The following FHIT variants were observed in gnomAD, a reference collection of about 807,000 sequenced individuals.
FHIT encodes the protein bis(5'-adenosyl)-triphosphatase.
A neutral mutation model predicts 17.9 loss-of-function variants in FHIT; 19 were observed. That is an observed-to-expected ratio of 1.06 (90% CI 0.74 to 1.56). The LOEUF is 1.56. FHIT is among the 40% of genes most tolerant of loss of function. The pLI, the probability that FHIT is intolerant of heterozygous loss-of-function variation, is 0.00. For missense variants in FHIT, 248 were observed against 189.2 expected, an observed-to-expected ratio of 1.31 and a Z score of -1.82; for synonymous variants, 81 against 69.7, an observed-to-expected ratio of 1.16 and a Z score of -0.81.
intron 5 of FHIT, among the ~76,000 whole-genome samples, chr3:60,340,913 A>C (rs545229043): frequency 6.6e-6 from 1 of 152,272 alleles, no homozygotes; most frequent in East Asian, 1.9e-4. Flanking sequence ...GCTGGTCTCT[A>C]ACTCCTGACC....
chr3:59,910,229 A>C (rs1447111441), intron 8 of FHIT, among the ~76,000 whole-genome samples: 5 of 152,212 alleles, frequency 3.3e-5, no homozygotes, highest in Admixed American at 3.3e-4. Context: ...CTTGAAGCAA[A>C]GGCAAGAAGA....
chr3:60,841,066 G>T (rs1196073917), intron 3 of FHIT, among the ~76,000 whole-genome samples: 2 of 151,932 alleles, frequency 1.3e-5, no homozygotes, highest in Non-Finnish European at 2.9e-5. Context: ...TCTGTTTCGG[G>T]TCATTATTTT....
chr3:61,063,242 CGA>C (rs2034489796), intron 2 of FHIT, among the ~76,000 whole-genome samples: 1 of 37,144 alleles, frequency 2.7e-5, no homozygotes, highest in Admixed American at 2.1e-4. Flanking sequence ...AGCGACAGAG[CGA>C]GACTCTGTCT....
chr3:60,322,426 G>T lies in FHIT; in HGVS notation c.103+214434C>A, dbSNP rs557635652. Among the ~76,000 whole-genome samples the T allele has an allele frequency of 2.0e-5, 3 of 152,292 alleles. No homozygotes were observed. The South Asian group carries it at 6.2e-4, about 32-fold the overall frequency. ...ACAGTTTGAGTCAATAGGCACAAAT[G>T]AATTATCAACTTTTTGACCTTGGAG... On this transcript the variant is annotated intron_variant, in intron 5 of 9. Transcript: ENST00000492590.
chr3:59,869,670 T>C (rs1047491355), intron 8 of FHIT, among the ~76,000 whole-genome samples: 3 of 150,852 alleles, frequency 2.0e-5, no homozygotes, highest in Non-Finnish European at 4.4e-5. Context: ...TTTGTATTTT[T>C]AGTAGAGACA....
intron 7 of FHIT, among the ~76,000 whole-genome samples, chr3:59,933,443 A>G (rs11720903): frequency 0.99 from 150,686 of 152,258 alleles, 74,585 homozygotes; most frequent in Middle Eastern, 1. Context: ...CATCCTCACC[A>G]AAACACTAAA....
intron 1 of FHIT, among the ~76,000 whole-genome samples, chr3:61,210,771 C>T (rs924829973): frequency 3.9e-5 from 6 of 152,028 alleles, no homozygotes; most frequent in African/African-American, 1.2e-4. Context: ...GGCAATGCCT[C>T]GCCCTGCTTC....
intron 5 of FHIT, among the ~76,000 whole-genome samples, chr3:60,411,570 T>C (rs1252175246): frequency 6.6e-6 from 1 of 152,194 alleles, no homozygotes; most frequent in Admixed American, 6.5e-5. Context: ...CTGATCTTTC[T>C]GGATTGTGTC....
chr3:59,775,091 C>T (rs905596303), intron 8 of FHIT, among the ~76,000 whole-genome samples: 1 of 152,172 alleles, frequency 6.6e-6, no homozygotes, highest in Non-Finnish European at 1.5e-5. Flanking sequence ...GACTCATGTG[C>T]TTATTTGTTC....
intron 4 of FHIT, among the ~76,000 whole-genome samples, chr3:60,667,210 T>A (rs1553692658): frequency 6.6e-6 from 1 of 151,724 alleles, no homozygotes; most frequent in African/African-American, 2.4e-5. Flanking sequence ...ATTATCTTTA[T>A]CCTCTTCTGG....
chr3:60,711,730 G>A (rs1407467077), intron 4 of FHIT, among the ~76,000 whole-genome samples: 5 of 152,084 alleles, frequency 3.3e-5, no homozygotes, highest in African/African-American at 4.8e-5. Context: ...AGAGAAAGAA[G>A]AATAAAAAGA....
chr3:60,097,057 G>C (rs17062198), intron 5 of FHIT, among the ~76,000 whole-genome samples: 13,269 of 143,784 alleles, frequency 0.092, 1,330 homozygotes, highest in East Asian at 0.49. Context: ...AGAAGAACTC[G>C]AGTCCTTAAA....
intron 7 of FHIT, among the ~76,000 whole-genome samples, chr3:60,008,317 G>T (rs1357824127): frequency 6.6e-6 from 1 of 152,096 alleles, no homozygotes; most frequent in Non-Finnish European, 1.5e-5. Context: ...GGATGGCAGG[G>T]TTCTACTCCT....
At chr3:60,282,300 T>C (rs973213017) in intron 5 of FHIT, among the ~76,000 whole-genome samples, 3 of 152,148 alleles carry the variant, frequency 2.0e-5, no homozygotes, top group Admixed American at 2.0e-4. Flanking sequence ...GACAGAATAC[T>C]AGTCTACAAT....
At chr3:61,215,372 C>A (rs1018619845) in intron 1 of FHIT, among the ~76,000 whole-genome samples, 3 of 152,114 alleles carry the variant, frequency 2.0e-5, no homozygotes, top group Non-Finnish European at 4.4e-5. Flanking sequence ...CAATAACAGA[C>A]AAACAGAAAG....
At chr3:59,755,469 C>T (rs1701167242) in intron 8 of FHIT, among the ~76,000 whole-genome samples, 1 of 152,194 alleles carries the variant, frequency 6.6e-6, no homozygotes, top group Admixed American at 6.5e-5. Flanking sequence ...GGAGAGAAAG[C>T]CCTAATGATC....
intron 5 of FHIT, among the ~76,000 whole-genome samples, chr3:60,092,213 T>C (rs1576080036): frequency 6.6e-6 from 1 of 152,222 alleles, no homozygotes; most frequent in African/African-American, 2.4e-5. Context: ...TAAATGATTA[T>C]ACAGTGTACT....
intron 5 of FHIT, among the ~76,000 whole-genome samples, chr3:60,225,684 C>T (rs779867390): frequency 3.3e-5 from 5 of 152,148 alleles, no homozygotes; most frequent in South Asian, 2.1e-4. Context: ...ACCAGAGCAA[C>T]AGTAAATAAG....
intron 5 of FHIT, among the ~76,000 whole-genome samples, chr3:60,172,611 C>T (rs74278848): frequency 0.04 from 6,018 of 151,998 alleles, 706 homozygotes; most frequent in East Asian, 0.39. Context: ...GAAAGAAAGA[C>T]GTGGGATAGG....
Sources: gnomAD v4.1 joint callset for allele counts (sites outside exome capture counted in the v4.1 genomes callset) on GRCh38, gnomAD v4.1.1 for gene constraint, MANE v1.5 for transcripts, NCBI Gene and HGNC (gene_info 2026-07-23, HGNC 2026-07-21) for gene names.